Variants in GALNTL6 observed in about 807,000 individuals in gnomAD.
GALNTL6 encodes polypeptide N-acetylgalactosaminyltransferase like 6, also known as polypeptide N-acetylgalactosaminyltransferase-like 6.
Under a neutral mutation model 73.7 loss-of-function variants are expected in GALNTL6, and 46 were observed. That is an observed-to-expected ratio of 0.62 (90% CI 0.49 to 0.80). GALNTL6 has a LOEUF of 0.80. Ranked by LOEUF, GALNTL6 falls within the 30% of genes least tolerant of loss-of-function variation. The probability of loss-of-function intolerance (pLI) is 0.00; values close to 1 mark genes in which losing one functional copy is unlikely to be tolerated. For synonymous variants in GALNTL6, 259 were observed against 263.7 expected (o/e 0.98, Z 0.17); for missense variants, 604 against 755.0 (o/e 0.80, Z 2.34).
In GALNTL6 at chr4:172,084,875, G is replaced by C. The variant is rs978962200; in HGVS notation, c.139-144781G>C. Among the ~76,000 whole-genome samples, 5 of 152,244 alleles carry C rather than the reference G, an allele frequency of 3.3e-5. No individual in the cohort carries two copies. In the East Asian group the frequency reaches 9.7e-4, roughly 29 times the overall value. On this transcript the variant is annotated intron_variant, in intron 2 of 12. Transcript: ENST00000506823. ...ACAGCCAGGAAGCACTGTCAGGATA[G>C]TATATGATGTTGTCACGTAAAATTA... is the stretch of plus-strand genomic sequence containing the variant.
chr4:172,449,024 A>G (rs114046960), intron 5 of GALNTL6, among the ~76,000 whole-genome samples: 3,463 of 152,228 alleles, frequency 0.023, 57 homozygotes, highest in Non-Finnish European at 0.035. Context: ...CCTTTTATGG[A>G]GAATATGGAT....
At chr4:172,874,476 G>A (rs942052694) in intron 7 of GALNTL6, among the ~76,000 whole-genome samples, 18 of 152,180 alleles carry the variant, frequency 1.2e-4, no homozygotes, top group Admixed American at 1.0e-3. Flanking sequence ...GAGGACAAAT[G>A]AGGTGGGAAA....
Position 172,809,311 on chromosome 4 carries a change from T to G in GALNTL6, c.554-50T>G, listed in dbSNP as rs563849976. On this transcript the variant is annotated intron_variant, in intron 5 of 12. Transcript: ENST00000506823. This position sits in a 1 kb window ranked among gnomAD's most constrained non-coding sequence, Gnocchi z 4.4. ...CACAAACAACCGTGAATAATTCAGC[T>G]GCAACTAATGTTTTGCGTTTTTTCT... is the stretch of plus-strand genomic sequence containing the variant. The G allele has an allele frequency of 7.0e-7, 1 of 1,437,846 alleles. No homozygotes were observed. Among genetic ancestry groups the G allele is most frequent in the South Asian group, 1.2e-5 (1 of 84,108 alleles). The allele number at this position is 1,437,846 out of a possible 1,614,324, so 89.1% of individuals were successfully genotyped here. A position where few individuals can be genotyped will look rare whatever the true frequency, so the allele number is the denominator to read the frequency against.
At chr4:172,719,590 G>C (rs890401778) in intron 5 of GALNTL6, among the ~76,000 whole-genome samples, 4 of 152,068 alleles carry the variant, frequency 2.6e-5, no homozygotes, top group African/African-American at 9.7e-5. Context: ...TAGCATACTT[G>C]ACTCAGGACG....
chr4:172,363,370 G>A (rs1373804997), intron 5 of GALNTL6, among the ~76,000 whole-genome samples: 1 of 152,052 alleles, frequency 6.6e-6, no homozygotes. Context: ...GCCATTTACT[G>A]TGTGGCCTTG....
intron 3 of GALNTL6, among the ~76,000 whole-genome samples, chr4:172,246,832 A>G (rs1737679258): frequency 6.7e-6 from 1 of 149,260 alleles, no homozygotes; most frequent in African/African-American, 2.4e-5. Context: ...ATATATATAA[A>G]TATAAAATTT....
chr4:172,121,381 C>A (rs1733147640), intron 2 of GALNTL6, among the ~76,000 whole-genome samples: 1 of 151,742 alleles, frequency 6.6e-6, no homozygotes, highest in Admixed American at 6.6e-5. Context: ...TATATAAGAA[C>A]CCTCACTTCA....
intron 4 of GALNTL6, among the ~76,000 whole-genome samples, chr4:172,314,840 A>T (rs1232017301): frequency 1.3e-5 from 2 of 151,720 alleles, no homozygotes; most frequent in Non-Finnish European, 2.9e-5. Flanking sequence ...AAACTCCTGA[A>T]CTCAGGTGAT....
intron 7 of GALNTL6, among the ~76,000 whole-genome samples, chr4:172,827,062 C>A (rs1336973584): frequency 6.6e-6 from 1 of 152,164 alleles, no homozygotes; most frequent in Non-Finnish European, 1.5e-5. Flanking sequence ...TCAAAAGAGG[C>A]TTTGTCCTCA....
intron 5 of GALNTL6, among the ~76,000 whole-genome samples, chr4:172,709,116 A>G (rs987859262): frequency 6.6e-6 from 1 of 152,072 alleles, no homozygotes; most frequent in South Asian, 2.1e-4. Flanking sequence ...TGCGCACCCT[A>G]CTCAAAAGAG....
chr4:171,878,636 T>C (rs1240002448), intron 2 of GALNTL6, among the ~76,000 whole-genome samples: 1 of 152,202 alleles, frequency 6.6e-6, no homozygotes, highest in African/African-American at 2.4e-5. Context: ...TTTTTATTGC[T>C]TATGTCTCTA....
chr4:171,976,607 A>G (rs1297952252), intron 2 of GALNTL6, among the ~76,000 whole-genome samples: 2 of 152,210 alleles, frequency 1.3e-5, no homozygotes, highest in Non-Finnish European at 2.9e-5. Flanking sequence ...AAATTACTAT[A>G]CTACGCACTA....
chr4:173,022,030 AGAAGGAAG>A (rs750348404), intron 12 of GALNTL6, among the ~76,000 whole-genome samples: 12,718 of 68,988 alleles, frequency 0.18, 1,409 homozygotes, highest in South Asian at 0.3. Flanking sequence ...AAGGAAGGAA[AGAAGGAAG>A]GAAGGAAGGA....
intron 2 of GALNTL6, among the ~76,000 whole-genome samples, chr4:172,104,335 C>G (rs563036114): frequency 1.3e-5 from 2 of 152,040 alleles, no homozygotes; most frequent in Admixed American, 1.3e-4. Context: ...TCAAAGTTTA[C>G]TAAGACAGAG....
chr4:172,290,248 T>C (rs1033217639), intron 3 of GALNTL6, among the ~76,000 whole-genome samples: 2 of 152,130 alleles, frequency 1.3e-5, no homozygotes, highest in Admixed American at 6.5e-5. Context: ...AACTTTCAGT[T>C]TGTATTTGGT....
At chr4:172,665,285 A>T (rs939123745) in intron 5 of GALNTL6, among the ~76,000 whole-genome samples, 1 of 152,168 alleles carries the variant, frequency 6.6e-6, no homozygotes, top group African/African-American at 2.4e-5. Flanking sequence ...CTCTAGAACC[A>T]CACTGATGGA....
At chr4:171,992,298 T>A (rs62326165) in intron 2 of GALNTL6, among the ~76,000 whole-genome samples, 84,177 of 151,590 alleles carry the variant, frequency 0.56, 25,411 homozygotes, top group South Asian at 0.8. Flanking sequence ...TAATCCTGAG[T>A]ATATTTTTTA....
intron 2 of GALNTL6, among the ~76,000 whole-genome samples, chr4:171,929,754 G>A (rs573374569): frequency 3.6e-4 from 55 of 152,226 alleles, no homozygotes; most frequent in African/African-American, 1.2e-3. Context: ...GCCTGAAAGG[G>A]GCCCTGCCTT....
intron 2 of GALNTL6, among the ~76,000 whole-genome samples, chr4:171,849,931 T>C (rs1735472857): frequency 6.6e-6 from 1 of 152,208 alleles, no homozygotes; most frequent in African/African-American, 2.4e-5. Context: ...ATTGAATAAA[T>C]GTGCATGTTG....
Sources: allele counts gnomAD v4.1 joint callset (sites outside exome capture counted in the v4.1 genomes callset), GRCh38; gene constraint gnomAD v4.1.1; non-coding constraint Gnocchi (gnomAD v3.1); transcripts MANE v1.5; gene names NCBI Gene and HGNC (gene_info 2026-07-23, HGNC 2026-07-21).